Variants in PAK4 observed in about 807,000 individuals in gnomAD.
PAK4 encodes the protein p21 (RAC1) activated kinase 4, also known as serine/threonine-protein kinase PAK 4.
In PAK4, 49 loss-of-function variants were observed where a neutral mutation model predicts 53.5. That is an observed-to-expected ratio of 0.92 (90% CI 0.73 to 1.16). PAK4 has a LOEUF of 1.16. Ranked by LOEUF, PAK4 falls within the 50% of genes most tolerant of loss-of-function variation. The pLI, the probability that PAK4 is intolerant of heterozygous loss-of-function variation, is 0.00. For synonymous variants in PAK4, 376 were observed against 375.6 expected, an observed-to-expected ratio of 1.00 and a Z score of -0.01; for missense variants, 824 against 850.7, an observed-to-expected ratio of 0.97 and a Z score of 0.39.
intron 1 of PAK4, among the ~76,000 whole-genome samples, chr19:39,166,408 C>G (rs1048414316): frequency 2.0e-5 from 3 of 152,246 alleles, no homozygotes; most frequent in Non-Finnish European, 4.4e-5. Flanking sequence ...CGCACCACTG[C>G]ACTCCAGCCT....
chr19:39,176,037 A>G (rs961662071), intron 6 of PAK4, among the ~76,000 whole-genome samples: 8 of 152,214 alleles, frequency 5.3e-5, no homozygotes, highest in Admixed American at 2.0e-4. Flanking sequence ...GGCGATGTCT[A>G]TGGGCCACCT....
chr19:39,129,625 A>G lies in PAK4; in HGVS notation c.-23+3706A>G, dbSNP rs1027577985. Among the ~76,000 whole-genome samples, 3 of 45,266 alleles carry G rather than the reference A, an allele frequency of 6.6e-5. No individual in the cohort carries two copies. The East Asian group carries it at 2.8e-3, about 42-fold the overall frequency. 29.7% of individuals were successfully genotyped at this position (45,266 alleles called of 152,430 possible). A position where few individuals can be genotyped will look rare whatever the true frequency, so the allele number is the denominator to read the frequency against. On this transcript the variant is annotated intron_variant, in intron 1 of 8. Transcript: ENST00000358301. The stretch of plus-strand genomic sequence containing the variant: ...CGTGACATGGGAGGTTTATGGGCCC[A>G]CCCACCCACCCACCAGGCTGTTTGG...
intron 8 of PAK4, 96 bp downstream of exon 9, chr19:39,177,905 G>A (rs905899044): frequency 4.3e-6 from 6 of 1,397,172 alleles, no homozygotes; most frequent in Non-Finnish European, 5.8e-6. Context: ...GACAATGATG[G>A]CGCCTGGGAT....
At chr19:39,179,393 T>C (rs2074676734) in exon 9 of PAK4, 1 of 139,244 alleles carries the variant, frequency 7.2e-6, no homozygotes, top group South Asian at 2.8e-4. Flanking sequence ...ATTAAAACAT[T>C]GTCTTGTTTT....
At chr19:39,182,077 C>T (rs1273799392), downstream of PAK4, 1 of 152,240 alleles carries the variant, frequency 6.6e-6, no homozygotes, top group Non-Finnish European at 1.5e-5. Context: ...TTGAGAACCC[C>T]TGCGATCCAC....
intron 1 of PAK4, among the ~76,000 whole-genome samples, chr19:39,134,275 C>A (rs979398828): frequency 4.6e-5 from 7 of 152,206 alleles, no homozygotes; most frequent in African/African-American, 1.7e-4. Flanking sequence ...CAAAGAATTA[C>A]AAAGTGAACA....
At chr19:39,141,605 C>T (rs1002162709) in intron 1 of PAK4, among the ~76,000 whole-genome samples, 4 of 151,128 alleles carry the variant, frequency 2.6e-5, no homozygotes, top group African/African-American at 7.3e-5. Context: ...CGTGAGCCAC[C>T]GTACCCTGCC....
chr19:39,143,224 C>G lies in PAK4; in HGVS notation c.-23+17305C>G, dbSNP rs534292036. ...TTATTCACTGCTGTGTCCCTGGTGC[C>G]TAGAACAGTGCCTGGCACCTGCTAA... On this transcript the variant is annotated intron_variant, in intron 1 of 8. Transcript: ENST00000358301. Among the ~76,000 whole-genome samples, 5 of 151,346 alleles carry G rather than the reference C, an allele frequency of 3.3e-5. No homozygotes were observed. In the South Asian group the frequency reaches 1.0e-3, roughly 32 times the overall value.
In PAK4 at chr19:39,130,583, G is replaced by C. The variant is rs181064999; in HGVS notation, c.-23+4664G>C. Among the ~76,000 whole-genome samples the C allele has an allele frequency of 2.6e-5, 4 of 152,108 alleles. No individual in the cohort carries two copies. In the East Asian group the frequency reaches 5.8e-4, roughly 22 times the overall value. On this transcript the variant is annotated intron_variant, in intron 1 of 8. Transcript: ENST00000358301. Reference sequence around the variant, plus strand: ...ATGGTCGAGGATCATCAGATAGGCCGGTGTAGGCTATGCTGTGCACCCTGA... The same window carrying C: ...ATGGTCGAGGATCATCAGATAGGCCCGTGTAGGCTATGCTGTGCACCCTGA...
At chr19:39,126,947 G>T (rs1243184982) in intron 1 of PAK4, among the ~76,000 whole-genome samples, 3 of 152,148 alleles carry the variant, frequency 2.0e-5, no homozygotes, top group Non-Finnish European at 4.4e-5. Flanking sequence ...CCTGCCCCTG[G>T]TCGCCACATT....
intron 1 of PAK4, among the ~76,000 whole-genome samples, chr19:39,164,391 G>A (rs2074335601): frequency 1.3e-5 from 2 of 152,156 alleles, no homozygotes; most frequent in African/African-American, 4.8e-5. Flanking sequence ...GACAGGACAG[G>A]AGCAGGGCTT....
At chr19:39,152,913 T>C (rs1023099584) in intron 1 of PAK4, among the ~76,000 whole-genome samples, 1 of 151,790 alleles carries the variant, frequency 6.6e-6, no homozygotes, top group African/African-American at 2.4e-5. Context: ...GGACTGAAAA[T>C]TTACTATGGA....
chr19:39,156,143 C>G (rs974346182), intron 1 of PAK4, among the ~76,000 whole-genome samples: 1 of 152,216 alleles, frequency 6.6e-6, no homozygotes, highest in Non-Finnish European at 1.5e-5. Context: ...CAGATTCCTC[C>G]TCATGGGTGA....
chr19:39,173,447 C>T lies in PAK4; in HGVS notation c.663+71C>T, dbSNP rs1017351594. 2.9e-6 allele frequency: 4 copies of T among 1,369,246 alleles called. No individual in the cohort carries two copies. The highest frequency in any genetic ancestry group is 2.6e-5 in the Admixed American group (1 of 38,090). The allele number at this position is 1,369,246 out of a possible 1,614,324, so 84.8% of individuals were successfully genotyped here. A position where few individuals can be genotyped will look rare whatever the true frequency, so the allele number is the denominator to read the frequency against. On this transcript the variant is annotated intron_variant, in intron 3 of 8. Coordinates refer to ENST00000358301, the Ensembl canonical transcript of PAK4. The surrounding 1 kb of genome is among the most constrained non-coding windows in gnomAD (Gnocchi z 6.9). ...GCTCCTCTGTCCCCACCTTCCAGCC[C>T]CGCCCCACCACCGTGCATCTCATCC... is the stretch of plus-strand genomic sequence containing the variant.
At chr19:39,132,506 A>G (rs893942794) in intron 1 of PAK4, among the ~76,000 whole-genome samples, 2 of 152,258 alleles carry the variant, frequency 1.3e-5, no homozygotes, top group Admixed American at 6.5e-5. Flanking sequence ...GCTCGCTGTC[A>G]GGACACAGAG....
At chr19:39,158,764 G>A (rs2074236510) in intron 1 of PAK4, among the ~76,000 whole-genome samples, 1 of 152,146 alleles carries the variant, frequency 6.6e-6, no homozygotes, top group African/African-American at 2.4e-5. Context: ...GATGGCCCCA[G>A]GCCCTGCCCT....
intron 1 of PAK4, among the ~76,000 whole-genome samples, chr19:39,167,698 G>A (rs2074401474): frequency 6.6e-6 from 1 of 151,936 alleles, no homozygotes; most frequent in East Asian, 1.9e-4. Flanking sequence ...CCTCCCACGG[G>A]GCTCCCGCTG....
At chr19:39,172,921 A>G (rs1398036913) in exon 3 of PAK4, 1 of 1,530,514 alleles carries the variant, frequency 6.5e-7, no homozygotes, top group Non-Finnish European at 8.8e-7. Context: ...ACCCCAGACC[A>G]TCGTGCGGGG....
Position 39,173,435 on chromosome 19 carries a change from C to A in PAK4, c.663+59C>A. 7.1e-7 allele frequency: 1 copy of A among 1,404,160 alleles called. No individual in the cohort carries two copies. Among genetic ancestry groups the A allele is most frequent in the Non-Finnish European group, 9.5e-7 (1 of 1,048,558 alleles). 87.0% of individuals were successfully genotyped at this position (1,404,160 alleles called of 1,614,324 possible). ...CCCCTGCCCGTTGCTCCTCTGTCCC[C>A]ACCTTCCAGCCCCGCCCCACCACCG... On this transcript the variant is annotated intron_variant, in intron 3 of 8. Transcript: ENST00000358301. This position sits in a 1 kb window ranked among gnomAD's most constrained non-coding sequence, Gnocchi z 6.9.
Sources: gnomAD v4.1 joint callset for allele counts (sites outside exome capture counted in the v4.1 genomes callset) on GRCh38, gnomAD v4.1.1 for gene constraint, Gnocchi (gnomAD v3.1) non-coding constraint, MANE v1.5 for transcripts, NCBI Gene and HGNC (gene_info 2026-07-23, HGNC 2026-07-21) for gene names.